Variants in PRKD1 observed in about 807,000 individuals in gnomAD.
PRKD1 encodes protein kinase D1, also known as serine/threonine-protein kinase D1.
A neutral mutation model predicts 95.9 loss-of-function variants in PRKD1; 63 were observed. That is an observed-to-expected ratio of 0.66 (90% CI 0.54 to 0.81). The LOEUF is 0.81. Ranked by LOEUF, PRKD1 falls within the 30% of genes least tolerant of loss-of-function variation. PRKD1 has a pLI of 0.00. For synonymous variants in PRKD1, 425 were observed against 423.1 expected (o/e 1.00, Z -0.05); for missense variants, 1,048 against 1,165.3 (o/e 0.90, Z 1.47).
intron 1 of PRKD1, among the ~76,000 whole-genome samples, chr14:29,791,598 T>C (rs1242113967): frequency 6.6e-6 from 1 of 152,182 alleles, no homozygotes; most frequent in African/African-American, 2.4e-5. Context: ...TGTAATGTCT[T>C]TCACTCAGCA....
chr14:29,829,670 A>C (rs1233702658), intron 1 of PRKD1, among the ~76,000 whole-genome samples: 2 of 152,148 alleles, frequency 1.3e-5, no homozygotes, highest in Non-Finnish European at 2.9e-5. Flanking sequence ...TTCTCCACTA[A>C]CACAAAAACC....
chr14:29,609,394 C>T (rs998736802), intron 13 of PRKD1, among the ~76,000 whole-genome samples: 1 of 151,788 alleles, frequency 6.6e-6, no homozygotes, highest in Admixed American at 6.6e-5. Flanking sequence ...TAGTCTTGTG[C>T]ATTCTATTAA....
rs973774348 is a variant in PRKD1 at position 29,793,437 on chromosome 14, G to A, written c.265-67763C>T. Among the ~76,000 whole-genome samples the A allele has an allele frequency of 1.5e-4, 23 of 152,182 alleles. No homozygotes were observed. In the East Asian group the frequency reaches 4.1e-3, roughly 27 times the overall value. ...TAAAGAAAACAAAAGCCACTAACGA[G>A]AATTGATTTGTTCTAAGATACTGTG... On this transcript the variant is annotated intron_variant, in intron 1 of 17. Coordinates refer to ENST00000331968, the MANE Select transcript of PRKD1 (RefSeq NM_002742.3).
In PRKD1 at chr14:29,626,562, G is replaced by A. The variant is rs750056720; in HGVS notation, c.1726-6C>T. 5.1e-6 allele frequency: 8 copies of A among 1,571,052 alleles called. No homozygotes were observed. The highest frequency in any genetic ancestry group is 1.4e-5 in the African/African-American group (1 of 73,364). On this transcript the variant is annotated splice_region_variant and splice_polypyrimidine_tract_variant and intron_variant, in intron 11 of 17. Coordinates refer to ENST00000331968, the MANE Select transcript of PRKD1 (RefSeq NM_002742.3). ...TGATATACTGTGCTGATGTCCTAGA[G>A]GTACAAGCCCAATGAAAAAAAAACA... is the stretch of plus-strand genomic sequence containing the variant.
chr14:29,616,107 A>G (rs1485385261), intron 13 of PRKD1, among the ~76,000 whole-genome samples: 2 of 152,080 alleles, frequency 1.3e-5, no homozygotes, highest in Non-Finnish European at 2.9e-5. Flanking sequence ...TAAATCCTTT[A>G]GATAAATGGA....
chr14:29,873,056 T>G (rs1893168534), intron 1 of PRKD1, among the ~76,000 whole-genome samples: 1 of 152,128 alleles, frequency 6.6e-6, no homozygotes, highest in Admixed American at 6.6e-5. Context: ...CAAGTAATTT[T>G]GATGCTGCCT....
chr14:29,834,736 GGTAA>G lies in PRKD1; in HGVS notation c.264+92509_264+92512del, dbSNP rs1203591581. Among the ~76,000 whole-genome samples, 3 of 151,978 alleles carry G rather than the reference GGTAA, an allele frequency of 2.0e-5. No individual in the cohort carries two copies. The East Asian group carries it at 5.8e-4, about 29-fold the overall frequency. On this transcript the variant is annotated intron_variant, in intron 1 of 17. Coordinates refer to ENST00000331968, the MANE Select transcript of PRKD1 (RefSeq NM_002742.3). ...GCAATTCTTACCTGTTAGGCACTAC[GGTAA>G]GTATTTTAAAACAATTATCTCATTT... is the stretch of plus-strand genomic sequence containing the variant.
intron 13 of PRKD1, among the ~76,000 whole-genome samples, chr14:29,623,589 A>T (rs558011064): frequency 7.2e-5 from 11 of 152,342 alleles, no homozygotes; most frequent in African/African-American, 2.4e-4. Flanking sequence ...AATGGTTTCA[A>T]AAATTACCTT....
chr14:29,646,491 T>C (rs1881129340), intron 4 of PRKD1, among the ~76,000 whole-genome samples: 1 of 152,018 alleles, frequency 6.6e-6, no homozygotes, highest in Admixed American at 6.6e-5. Context: ...AAATTTCTCA[T>C]GTAACCCAAA....
chr14:29,643,532 T>C (rs1404150115), intron 4 of PRKD1, among the ~76,000 whole-genome samples: 1 of 152,186 alleles, frequency 6.6e-6, no homozygotes, highest in Non-Finnish European at 1.5e-5. Flanking sequence ...GAATTTGTTT[T>C]TTAACCTAGT....
chr14:29,651,594 C>T (rs1174150238), intron 4 of PRKD1, among the ~76,000 whole-genome samples: 5 of 151,518 alleles, frequency 3.3e-5, no homozygotes, highest in Non-Finnish European at 7.4e-5. Flanking sequence ...AGTACCAATT[C>T]CAATCTTCTA....
chr14:29,647,193 C>T (rs754898973), intron 4 of PRKD1, among the ~76,000 whole-genome samples: 5 of 152,100 alleles, frequency 3.3e-5, no homozygotes, highest in Non-Finnish European at 7.4e-5. Flanking sequence ...AAAGTAATAA[C>T]ATATATAATC....
At chr14:29,793,435 G>A (rs1416865779) in intron 1 of PRKD1, among the ~76,000 whole-genome samples, 1 of 152,052 alleles carries the variant, frequency 6.6e-6, no homozygotes, top group South Asian at 2.1e-4. Context: ...AGCCACTAAC[G>A]AGAATTGATT....
intron 1 of PRKD1, among the ~76,000 whole-genome samples, chr14:29,731,018 A>G (rs1225414273): frequency 6.6e-6 from 1 of 152,086 alleles, no homozygotes; most frequent in Admixed American, 6.5e-5. Flanking sequence ...ACTTACCACA[A>G]AAAAAAGGTA....
At chr14:29,704,392 C>T (rs751044458) in intron 2 of PRKD1, among the ~76,000 whole-genome samples, 14 of 152,056 alleles carry the variant, frequency 9.2e-5, no homozygotes, top group Admixed American at 2.0e-4. Flanking sequence ...GTATCGAGTC[C>T]GACTAATCTC....
intron 7 of PRKD1, among the ~76,000 whole-genome samples, chr14:29,635,321 CTCCT>C (rs1411074916): frequency 6.6e-6 from 1 of 152,080 alleles, no homozygotes; most frequent in Non-Finnish European, 1.5e-5. Flanking sequence ...TCATCCCTCC[CTCCT>C]TGTCCCCCTT....
At chr14:29,694,875 G>C (rs1343228077) in intron 2 of PRKD1, among the ~76,000 whole-genome samples, 2 of 152,154 alleles carry the variant, frequency 1.3e-5, no homozygotes, top group African/African-American at 4.8e-5. Context: ...AGCAGGCTTG[G>C]TGTATTCAAG....
At chr14:29,594,047 G>A in intron 16 of PRKD1, 1 of 420,946 alleles carries the variant, frequency 2.4e-6, no homozygotes, top group South Asian at 1.7e-5. Context: ...AAACCTCTCT[G>A]GGTTCTCTCT....
chr14:29,847,300 T>C, intron 1 of PRKD1, among the ~76,000 whole-genome samples: 1 of 152,140 alleles, frequency 6.6e-6, no homozygotes, highest in African/African-American at 2.4e-5. Flanking sequence ...GCTAAACAAC[T>C]CATCACTCAG....
Sources: allele counts gnomAD v4.1 joint callset (sites outside exome capture counted in the v4.1 genomes callset), GRCh38; gene constraint gnomAD v4.1.1; transcripts MANE v1.5; gene names NCBI Gene and HGNC (gene_info 2026-07-23, HGNC 2026-07-21).